Variants in GAK observed in about 807,000 individuals in gnomAD.
GAK encodes the protein cyclin G associated kinase.
Under a neutral mutation model 143.9 loss-of-function variants are expected in GAK, and 79 were observed. That is an observed-to-expected ratio of 0.55 (90% CI 0.46 to 0.66). The LOEUF is 0.66. GAK is among the 30% of genes least tolerant of loss of function. The pLI, the probability that GAK is intolerant of heterozygous loss-of-function variation, is 0.00. For synonymous variants in GAK, 881 were observed against 765.5 expected (o/e 1.15, Z -2.49); for missense variants, 1,693 against 1,779.7 (o/e 0.95, Z 0.88).
intron 24 of GAK, among the ~76,000 whole-genome samples, chr4:858,487 G>A (rs1749681698): frequency 1.3e-5 from 2 of 152,208 alleles, no homozygotes; most frequent in Non-Finnish European, 2.9e-5. Flanking sequence ...CTCCTCCCGA[G>A]GGCACGGCCC....
chr4:865,316 C>T (rs1577072993), intron 22 of GAK, 72 bp from the exon 23 acceptor site: 1 of 1,597,616 alleles, frequency 6.3e-7, no homozygotes, highest in South Asian at 1.1e-5. Context: ...GGGCGCCAGG[C>T]TGTGCTCAGG....
intron 1 of GAK, among the ~76,000 whole-genome samples, chr4:915,050 G>T (rs1235414733): frequency 1.6e-5 from 1 of 61,718 alleles, no homozygotes; most frequent in Non-Finnish European, 2.9e-5. Flanking sequence ...CAGCGCACAC[G>T]GCCAACACAC....
chr4:872,317 T>TG (rs1189732274), intron 18 of GAK: 2 of 152,092 alleles, frequency 1.3e-5, no homozygotes, highest in African/African-American at 2.4e-5. Flanking sequence ...TGGGCGGAGG[T>TG]GGCCACGGCC....
chr4:863,516 G>C (rs1030333603), intron 23 of GAK, among the ~76,000 whole-genome samples: 15 of 152,320 alleles, frequency 9.8e-5, no homozygotes, highest in Admixed American at 9.2e-4. Flanking sequence ...GTGAAAGGGA[G>C]AGACAATCAC....
intron 11 of GAK, chr4:884,296 GGA>G: frequency 1.8e-6 from 1 of 549,248 alleles, no homozygotes. Context: ...AGAAACGGAT[GGA>G]AATGACAGCC....
chr4:909,544 G>C (rs1012714639), intron 4 of GAK, among the ~76,000 whole-genome samples: 1 of 152,196 alleles, frequency 6.6e-6, no homozygotes, highest in Non-Finnish European at 1.5e-5. Flanking sequence ...GGATGGGAGA[G>C]ACAGGGACGG....
intron 18 of GAK, among the ~76,000 whole-genome samples, chr4:874,147 T>A (rs1210559722): frequency 6.6e-6 from 1 of 151,636 alleles, no homozygotes; most frequent in African/African-American, 2.4e-5. Context: ...GCGCTGGTGC[T>A]TGTGTGTGTG....
chr4:892,470 C>T (rs1006782535), intron 9 of GAK, among the ~76,000 whole-genome samples: 4 of 152,208 alleles, frequency 2.6e-5, no homozygotes, highest in African/African-American at 4.8e-5. Context: ...ACCCTGTCCA[C>T]GGCTGGGTCA....
chr4:904,806 G>A (rs1577253250), intron 4 of GAK, 27 bp from the exon 5 acceptor site: 1 of 1,610,476 alleles, frequency 6.2e-7, no homozygotes, highest in Non-Finnish European at 8.5e-7. Flanking sequence ...CTCACATGGA[G>A]GCAGGAGAAC....
chr4:870,594 G>T, intron 19 of GAK, 117 bp downstream of exon 19: 1 of 1,037,460 alleles, frequency 9.6e-7, no homozygotes, highest in Non-Finnish European at 1.4e-6. Flanking sequence ...GCTGCTCAGG[G>T]CCTGGGTGCA....
At chr4:869,408 C>A (rs1215883563) in intron 19 of GAK, 1 of 145,396 alleles carries the variant, frequency 6.9e-6, no homozygotes, top group Admixed American at 7.1e-5. Context: ...ATGCACGGTA[C>A]ACATGAATGC....
chr4:878,400 T>C (rs2152800713), intron 15 of GAK, among the ~76,000 whole-genome samples: 1 of 152,348 alleles, frequency 6.6e-6, no homozygotes, highest in South Asian at 2.1e-4. Context: ...CAGCATAGTT[T>C]GTCTGATTTC....
intron 5 of GAK, among the ~76,000 whole-genome samples, chr4:899,336 G>A (rs1719410219): frequency 6.6e-6 from 1 of 152,174 alleles, no homozygotes; most frequent in African/African-American, 2.4e-5. Flanking sequence ...CTCTGGAGAG[G>A]AAGAACAATG....
intron 25 of GAK, chr4:851,378 G>C (rs1748113195): frequency 2.2e-6 from 1 of 460,248 alleles, no homozygotes; most frequent in Non-Finnish European, 3.9e-6. Context: ...TTATAGGCGT[G>C]AGCCACAAAG....
At chr4:929,572 A>C (rs2152986498) in intron 1 of GAK, among the ~76,000 whole-genome samples, 1 of 152,274 alleles carries the variant, frequency 6.6e-6, no homozygotes. Context: ...AGTGAAGACT[A>C]GCTAGGTGCA....
intron 23 of GAK, 86 bp downstream of exon 23, chr4:865,036 G>A (rs1235691717): frequency 1.3e-6 from 2 of 1,516,588 alleles, no homozygotes; most frequent in Non-Finnish European, 1.8e-6. Context: ...CGCAGAGAGG[G>A]CCCTGTTACA....
In GAK at chr4:896,478, G is replaced by A; in HGVS notation, c.723C>T (p.Gly241=). The A allele has an allele frequency of 1.9e-6, 3 of 1,613,896 alleles. No homozygotes were observed. Among genetic ancestry groups the A allele is most frequent in the East Asian group, 2.2e-5 (1 of 44,886 alleles). Residue 241 remains glycine, a synonymous_variant, in exon 7 of 28, where the codon GGC becomes GGT. Coordinates refer to ENST00000314167, the MANE Select transcript of GAK (RefSeq NM_005255.4). Reference sequence around the variant, plus strand: ...ACCTCACCCAGATATCCTGCTTCTCGCCGATCGGGAAGTTGGAATACAAGT... The same window carrying A: ...ACCTCACCCAGATATCCTGCTTCTCACCGATCGGGAAGTTGGAATACAAGT... ...IIDLYSNFPI[G]EKQDIWALGC...
rs181071543 is a variant in GAK, at chr4:909,164, T to C, written c.382+2509A>G. On this transcript the variant is annotated intron_variant, in intron 4 of 27. Coordinates refer to ENST00000314167, the MANE Select transcript of GAK (RefSeq NM_005255.4). ...GCCTGGCCTAACTCTGTGTTATTTG[T>C]ATTTTGTCAATCAGCATGTATTCTT... is the stretch of plus-strand genomic sequence containing the variant. 7.6e-4 allele frequency among the ~76,000 whole-genome samples: 116 copies of C among 152,376 alleles called. 1 individual carries two copies. Among genetic ancestry groups the C allele is most frequent in the Non-Finnish European group, 4.0e-4 (27 of 68,036 alleles).
At chr4:916,757 G>T (rs186254590) in intron 1 of GAK, among the ~76,000 whole-genome samples, 2 of 152,172 alleles carry the variant, frequency 1.3e-5, no homozygotes, top group Non-Finnish European at 2.9e-5. Context: ...AATGGAAAAT[G>T]GTACAATCAC....
Sources: allele counts gnomAD v4.1 joint callset (sites outside exome capture counted in the v4.1 genomes callset), GRCh38; gene constraint gnomAD v4.1.1; transcripts MANE v1.5; gene names NCBI Gene and HGNC (gene_info 2026-07-23, HGNC 2026-07-21).